UBP1: variants seen among roughly 807,000 people sequenced by gnomAD.
UBP1 encodes the protein upstream-binding protein 1.
Under a neutral mutation model 76.1 loss-of-function variants are expected in UBP1, and 22 were observed. That is an observed-to-expected ratio of 0.29 (90% CI 0.21 to 0.41). The LOEUF is 0.41. Among genes scored for constraint, UBP1 ranks in the 10% least tolerant of loss-of-function variants. The pLI, the probability that UBP1 is intolerant of heterozygous loss-of-function variation, is 1.00. For missense variants in UBP1, 436 were observed against 668.1 expected (o/e 0.65, Z 3.83); for synonymous variants, 224 against 237.1 (o/e 0.94, Z 0.51).
chr3:33,406,603 C>G (rs1033941987), intron 8 of UBP1, among the ~76,000 whole-genome samples: 1 of 152,182 alleles, frequency 6.6e-6, no homozygotes, highest in Non-Finnish European at 1.5e-5. Context: ...GTAGAAACAC[C>G]AAGTTTACCA....
Position 33,394,814 on chromosome 3 carries a change from C to CTT in UBP1, c.1390+1346_1390+1347dup, listed in dbSNP as rs1298956605. ...CATATGGGCCAATTCCTGCCCTCCACTTGTTTTTTTTTTTTTTTTTTTTAA... is the reference window on the plus strand; with the variant it reads ...CATATGGGCCAATTCCTGCCCTCCACTTTTGTTTTTTTTTTTTTTTTTTTTAA... On this transcript the variant is annotated intron_variant, in intron 13 of 15. Transcript: ENST00000283629. Among the ~76,000 whole-genome samples, 14 of 122,102 alleles carry CTT rather than the reference C, an allele frequency of 1.1e-4. 1 individual carries two copies. Among genetic ancestry groups the CTT allele is most frequent in the Admixed American group, 1.8e-4 (2 of 11,052 alleles). The allele number at this position is 122,102 out of a possible 152,430, so 80.1% of individuals were successfully genotyped here.
intron 13 of UBP1, 97 bp downstream of exon 13, chr3:33,396,065 C>T (rs1263301763): frequency 1.7e-6 from 2 of 1,152,078 alleles, no homozygotes; most frequent in Non-Finnish European, 2.4e-6. Context: ...GCATTCCTAA[C>T]ACAGCAAGAG....
At chr3:33,397,384 G>A (rs750619763) in intron 11 of UBP1, 15 of 324,640 alleles carry the variant, frequency 4.6e-5, no homozygotes, top group Non-Finnish European at 7.8e-5. Flanking sequence ...AAATCAATGA[G>A]AGCAGGGCCT....
intron 15 of UBP1, chr3:33,390,653 A>G (rs1293324930): frequency 4.2e-6 from 2 of 478,172 alleles, no homozygotes; most frequent in Non-Finnish European, 7.6e-6. Context: ...ATCAAGACAC[A>G]CAATAATAGT....
intron 2 of UBP1, among the ~76,000 whole-genome samples, chr3:33,418,629 C>T (rs187639778): frequency 3.3e-5 from 5 of 151,628 alleles, no homozygotes; most frequent in Admixed American, 6.6e-5. Context: ...GAGCCCGAGG[C>T]GGGCAGATCA....
chr3:33,399,575 C>G (rs567238522), intron 11 of UBP1, among the ~76,000 whole-genome samples: 21 of 152,242 alleles, frequency 1.4e-4, no homozygotes, highest in African/African-American at 5.1e-4. Flanking sequence ...TATATGATTG[C>G]ATTTATATAA....
At chr3:33,410,236 GGA>G (rs2044545185) in intron 5 of UBP1, among the ~76,000 whole-genome samples, 2 of 152,124 alleles carry the variant, frequency 1.3e-5, no homozygotes, top group African/African-American at 2.4e-5. Context: ...TACCCACCCT[GGA>G]TGACAGCCTT....
At chr3:33,410,370 A>G (rs574488664) in intron 5 of UBP1, among the ~76,000 whole-genome samples, 1 of 152,190 alleles carries the variant, frequency 6.6e-6, no homozygotes, top group South Asian at 2.1e-4. Context: ...CTGATATGTA[A>G]AGCCAGGTCT....
intron 1 of UBP1, among the ~76,000 whole-genome samples, chr3:33,433,365 T>TA (rs1170395728): frequency 0.01 from 1,149 of 112,992 alleles, 8 homozygotes; most frequent in Middle Eastern, 0.027. Context: ...ACCCAGCCTT[T>TA]AAAAAAAAAA....
chr3:33,428,365 C>T (rs75812124), intron 1 of UBP1, among the ~76,000 whole-genome samples: 2,121 of 151,986 alleles, frequency 0.014, 22 homozygotes, highest in South Asian at 0.027. Context: ...TTAATTATAC[C>T]GAAAAATAAC....
chr3:33,404,840 G>A (rs2044374269), intron 8 of UBP1, among the ~76,000 whole-genome samples: 2 of 152,030 alleles, frequency 1.3e-5, no homozygotes, highest in South Asian at 4.1e-4. Context: ...AGGACTTCCA[G>A]GACCTGAATG....
At chr3:33,438,129 G>C (rs1251881667) in intron 1 of UBP1, among the ~76,000 whole-genome samples, 1 of 152,146 alleles carries the variant, frequency 6.6e-6, no homozygotes, top group African/African-American at 2.4e-5. Context: ...AAATCATCAA[G>C]ATTGTACTTC....
In UBP1 at chr3:33,431,285, C is replaced by T. The variant is rs140328955; in HGVS notation, c.114-5544G>A. 1.6e-3 allele frequency among the ~76,000 whole-genome samples: 247 copies of T among 152,212 alleles called. 2 individuals carry two copies. Among genetic ancestry groups the T allele is most frequent in the African/African-American group, 5.4e-3 (223 of 41,524 alleles). On this transcript the variant is annotated intron_variant, in intron 1 of 15. Coordinates refer to ENST00000283629, the MANE Select transcript of UBP1 (RefSeq NM_014517.5). ...ATTAAATTCAAGTCTCAGCAAAGAACGGAATAGGGGCAAAAACTGAAGACA... is the reference window on the plus strand; with the variant it reads ...ATTAAATTCAAGTCTCAGCAAAGAATGGAATAGGGGCAAAAACTGAAGACA...
intron 5 of UBP1, among the ~76,000 whole-genome samples, chr3:33,410,989 C>T (rs2044566573): frequency 6.6e-6 from 1 of 150,812 alleles, no homozygotes; most frequent in African/African-American, 2.4e-5. Context: ...ATGAGAAGAG[C>T]TTGAATCTGG....
At chr3:33,412,658 A>G (rs1467888034) in intron 4 of UBP1, 64 bp downstream of exon 4, 2 of 1,076,698 alleles carry the variant, frequency 1.9e-6, no homozygotes, top group African/African-American at 3.1e-5. Context: ...TGCCAACACA[A>G]CACATTACTG....
intron 2 of UBP1, among the ~76,000 whole-genome samples, chr3:33,422,655 G>A (rs2044927619): frequency 6.6e-6 from 1 of 150,470 alleles, no homozygotes; most frequent in Admixed American, 6.7e-5. Flanking sequence ...AGCCTGGGAG[G>A]TCAAGGCTGC....
intron 1 of UBP1, among the ~76,000 whole-genome samples, chr3:33,427,828 T>G (rs562264224): frequency 1.6e-4 from 25 of 152,356 alleles, no homozygotes; most frequent in Admixed American, 1.6e-3. Context: ...CACAGAGTTC[T>G]CTCAACACCT....
chr3:33,403,044 A>G (rs982242083), intron 8 of UBP1, 140 bp from the exon 9 acceptor site: 2 of 754,170 alleles, frequency 2.7e-6, no homozygotes, highest in Non-Finnish European at 4.3e-6. Flanking sequence ...TCACAGACAC[A>G]TGTCAAATTT....
chr3:33,393,918 G>A (rs1310087076), intron 13 of UBP1, among the ~76,000 whole-genome samples: 1 of 151,854 alleles, frequency 6.6e-6, no homozygotes, highest in African/African-American at 2.4e-5. Context: ...AGGACTTTAT[G>A]GTATGTAAAT....
Sources: allele counts gnomAD v4.1 joint callset (sites outside exome capture counted in the v4.1 genomes callset), GRCh38; gene constraint gnomAD v4.1.1; transcripts MANE v1.5; gene names NCBI Gene and HGNC (gene_info 2026-07-23, HGNC 2026-07-21).